Variants in SWAP70 observed in about 807,000 individuals in gnomAD.
SWAP70 encodes switch-associated protein 70.
In SWAP70, 34 loss-of-function variants were observed where a neutral mutation model predicts 80.2. That is an observed-to-expected ratio of 0.42 (90% CI 0.32 to 0.56). The LOEUF (loss-of-function observed/expected upper bound fraction) is 0.56, where lower values mean the gene tolerates loss of function less well. Among genes scored for constraint, SWAP70 ranks in the 20% least tolerant of loss-of-function variants. The pLI, the probability that SWAP70 is intolerant of heterozygous loss-of-function variation, is 0.09. For synonymous variants in SWAP70, 239 were observed against 238.5 expected (o/e 1.00, Z -0.02); for missense variants, 578 against 690.7 (o/e 0.84, Z 1.83).
Position 9,749,937 on chromosome 11 carries a change from G to A in SWAP70, c.1725G>A (p.Glu575=). ...AFTEAELEER[E]KNWKEKKTTE is the part of the protein sequence containing the mutation. Reference sequence around the variant, plus strand: ...CTGAGGCAGAACTTGAAGAGAGAGAGAAGAACTGGAAAGAGAAAAAGACCA... The same window carrying A: ...CTGAGGCAGAACTTGAAGAGAGAGAAAAGAACTGGAAAGAGAAAAAGACCA... The change falls in exon 12 of 12, where the codon GAG becomes GAA. Residue 575 remains glutamate, a synonymous_variant. Transcript: ENST00000318950. The A allele has an allele frequency of 6.2e-7, 1 of 1,613,860 alleles. No individual in the cohort carries two copies. Among genetic ancestry groups the A allele is most frequent in the Non-Finnish European group, 8.5e-7 (1 of 1,179,800 alleles).
intron 1 of SWAP70, among the ~76,000 whole-genome samples, chr11:9,683,032 G>A (rs1850587288): frequency 1.3e-5 from 2 of 152,142 alleles, no homozygotes; most frequent in Admixed American, 1.3e-4. Context: ...ATTGATCTTT[G>A]GGAAATGACC....
chr11:9,678,525 C>A (rs1590012886), intron 1 of SWAP70, among the ~76,000 whole-genome samples: 9 of 122,614 alleles, frequency 7.3e-5, no homozygotes, highest in South Asian at 2.8e-4. Context: ...TCGAAAATAA[C>A]ACGTAAACTC....
At chr11:9,733,800 A>G (rs7114514) in intron 7 of SWAP70, among the ~76,000 whole-genome samples, 15,108 of 152,170 alleles carry the variant, frequency 0.099, 1,911 homozygotes, top group East Asian at 0.28. Flanking sequence ...TTATGAGGGA[A>G]TGGTGGGGAG....
rs1351836928 is a variant in SWAP70 at position 9,751,186 on chromosome 11, G to T, written c.*1216G>T. ...CAAAACATCATAAAGATGATAGCAT[G>T]TCAATATATTAGCCTAGCCATTATG... On this transcript the variant is annotated 3_prime_UTR_variant, in exon 12 of 12. Coordinates refer to ENST00000318950, the MANE Select transcript of SWAP70 (RefSeq NM_015055.4). The T allele has an allele frequency of 6.6e-6, 1 of 152,246 alleles. No homozygotes were observed. The highest frequency in any genetic ancestry group is 2.4e-5 in the African/African-American group (1 of 41,468). The allele number at this position is 152,246 out of a possible 1,614,324, so 9.4% of individuals were successfully genotyped here. A position where few individuals can be genotyped will look rare whatever the true frequency, so the allele number is the denominator to read the frequency against.
Position 9,713,924 on chromosome 11 carries a change from A to G in SWAP70, c.414+285A>G, listed in dbSNP as rs554928342. On this transcript the variant is annotated intron_variant, in intron 3 of 11. Transcript: ENST00000318950. ...CAAAGAGTATTCTGTACAAGTCACA[A>G]CATAATTTTCATACTACTTGCATAT... 3.3e-5 allele frequency among the ~76,000 whole-genome samples: 5 copies of G among 152,334 alleles called. No individual in the cohort carries two copies. In the South Asian group the frequency reaches 6.2e-4, roughly 19 times the overall value.
chr11:9,671,181 TA>T (rs1406801439), intron 1 of SWAP70, among the ~76,000 whole-genome samples: 2 of 107,230 alleles, frequency 1.9e-5, no homozygotes, highest in African/African-American at 7.5e-5. Flanking sequence ...AATATAAATA[TA>T]AAAATATATA....
rs1590033271 is a variant in SWAP70, at chr11:9,713,542, A to G, written c.317A>G (p.Asn106Ser). 1 of 1,614,066 alleles carries G rather than the reference A, an allele frequency of 6.2e-7. No individual in the cohort carries two copies. Among genetic ancestry groups the G allele is most frequent in the Non-Finnish European group, 8.5e-7 (1 of 1,179,974 alleles). ...TLCVKKNLTK[N>S]PLLITEEDAF... ...TGTGTCAAAAAAAACCTCACAAAGA[A>G]TCCCCTGCTCATTACAGAAGAAGAT... The change falls in exon 3 of 12, where the codon AAT becomes AGT. Residue 106 changes from asparagine to serine, a missense_variant. By Grantham distance (46) the Asn-to-Ser change is conservative. Transcript: ENST00000318950.
intron 2 of SWAP70, among the ~76,000 whole-genome samples, chr11:9,695,238 G>A (rs186818612): frequency 2.0e-5 from 3 of 151,928 alleles, no homozygotes; most frequent in Admixed American, 6.6e-5. Context: ...AGCTTGCAGT[G>A]AGTCGAGATC....
At chr11:9,729,069 G>C (rs1388840002) in intron 5 of SWAP70, among the ~76,000 whole-genome samples, 1 of 152,142 alleles carries the variant, frequency 6.6e-6, no homozygotes, top group Non-Finnish European at 1.5e-5. Flanking sequence ...CTGCAAGGGA[G>C]GTGCTCAGGA....
At chr11:9,699,364 C>G (rs1850802044) in intron 2 of SWAP70, among the ~76,000 whole-genome samples, 1 of 152,002 alleles carries the variant, frequency 6.6e-6, no homozygotes, top group Admixed American at 6.6e-5. Flanking sequence ...TGTGTAAAGC[C>G]TCAGCACTTT....
intron 1 of SWAP70, among the ~76,000 whole-genome samples, chr11:9,687,943 A>T (rs1031939191): frequency 6.6e-6 from 1 of 152,180 alleles, no homozygotes; most frequent in African/African-American, 2.4e-5. Context: ...GAATGACCCA[A>T]TCTTGAAGGA....
chr11:9,674,091 G>T (rs1428842125), intron 1 of SWAP70, among the ~76,000 whole-genome samples: 1 of 152,022 alleles, frequency 6.6e-6, no homozygotes, highest in African/African-American at 2.4e-5. Flanking sequence ...AGTAGAGACC[G>T]AGTTTCGCCG....
intron 7 of SWAP70, among the ~76,000 whole-genome samples, chr11:9,736,812 A>T (rs1345984567): frequency 1.3e-5 from 2 of 152,186 alleles, no homozygotes; most frequent in Non-Finnish European, 2.9e-5. Context: ...GTCTGAGATC[A>T]TTTAAATTCA....
intron 2 of SWAP70, 143 bp from the exon 3 acceptor site, chr11:9,713,323 A>G: frequency 1.2e-6 from 1 of 832,404 alleles, no homozygotes; most frequent in Non-Finnish European, 1.8e-6. Flanking sequence ...GTAATACCTA[A>G]AGCAAATATG....
chr11:9,710,101 A>G (rs1850975790), intron 2 of SWAP70, among the ~76,000 whole-genome samples: 2 of 152,066 alleles, frequency 1.3e-5, no homozygotes, highest in South Asian at 4.1e-4. Context: ...AGTGGTGGCA[A>G]AGGCAGAAGA....
In SWAP70 at chr11:9,705,137, ACACTGGTGATCTGTATG is replaced by A. The variant is rs71034729; in HGVS notation, c.241-8318_241-8302del. 2.1e-5 allele frequency among the ~76,000 whole-genome samples: 3 copies of A among 144,144 alleles called. 1 individual carries two copies. Among genetic ancestry groups the A allele is most frequent in the African/African-American group, 8.1e-5 (3 of 36,820 alleles). 94.6% of individuals were successfully genotyped at this position (144,144 alleles called of 152,430 possible). A position where few individuals can be genotyped will look rare whatever the true frequency, so the allele number is the denominator to read the frequency against. ...TCTGTATACACTTGGTGATCTGTAT[ACACTGGTGATCTGTATG>A]CACTGGTGATATGTATATACTTGGT... On this transcript the variant is annotated intron_variant, in intron 2 of 11. Transcript: ENST00000318950.
At chr11:9,721,521 A>T (rs998339335) in intron 3 of SWAP70, among the ~76,000 whole-genome samples, 4 of 150,372 alleles carry the variant, frequency 2.7e-5, no homozygotes, top group African/African-American at 9.8e-5. Flanking sequence ...GCCCAAGCTC[A>T]AGTGCAGTGT....
intron 3 of SWAP70, among the ~76,000 whole-genome samples, chr11:9,718,906 C>G (rs1335235974): frequency 6.6e-6 from 1 of 151,834 alleles, no homozygotes; most frequent in East Asian, 1.9e-4. Flanking sequence ...TTGAGACCAG[C>G]CTGGGCAACA....
intron 1 of SWAP70, among the ~76,000 whole-genome samples, chr11:9,675,346 C>T (rs935036413): frequency 1.2e-4 from 1 of 8,402 alleles, no homozygotes; most frequent in African/African-American, 2.2e-4. Flanking sequence ...AGAGAGGGAG[C>T]GAGAGAGAGA....
Sources: gnomAD v4.1 joint callset for allele counts (sites outside exome capture counted in the v4.1 genomes callset) on GRCh38, gnomAD v4.1.1 for gene constraint, MANE v1.5 for transcripts, NCBI Gene and HGNC (gene_info 2026-07-23, HGNC 2026-07-21) for gene names.